DCC: variants seen among roughly 807,000 people sequenced by gnomAD.
The protein encoded by DCC is netrin receptor DCC.
A neutral mutation model predicts 172.5 loss-of-function variants in DCC; 58 were observed. The observed-to-expected ratio is 0.34, with a 90% CI of 0.27 to 0.42. DCC has a LOEUF of 0.42. Ranked by LOEUF, DCC falls within the 10% of genes least tolerant of loss-of-function variation. DCC has a pLI of 1.00. For synonymous variants in DCC, 709 were observed against 644.5 expected (o/e 1.10, Z -1.52); for missense variants, 1,740 against 1,791.0 (o/e 0.97, Z 0.51).
chr18:53,311,131 T>A (rs1444646028), intron 13 of DCC, among the ~76,000 whole-genome samples: 1 of 36,288 alleles, frequency 2.8e-5, no homozygotes, highest in Non-Finnish European at 4.9e-5. Context: ...TATTTATTTA[T>A]TTTTTTTGAG....
chr18:53,349,763 G>C (rs930417879), intron 15 of DCC, among the ~76,000 whole-genome samples: 1 of 152,096 alleles, frequency 6.6e-6, no homozygotes, highest in African/African-American at 2.4e-5. Context: ...TCACTATCAC[G>C]AGAGCAATGC....
rs879096180 is a variant in DCC at position 52,340,686 on chromosome 18, G to A, written c.-102G>A. 8.5e-5 allele frequency: 73 copies of A among 857,598 alleles called. 1 individual carries two copies. The South Asian group carries it at 9.6e-4, about 11-fold the overall frequency. The allele number at this position is 857,598 out of a possible 1,614,324, so 53.1% of individuals were successfully genotyped here. On this transcript the variant is annotated 5_prime_UTR_variant, in exon 1 of 29. Transcript: ENST00000442544. ...ACGAGGAGGAGGAGGAAGCCGAAGG[G>A]GCTCGGCGCGTGTGTGTGCATGTGT...
At chr18:53,321,039 T>A (rs907760495) in intron 13 of DCC, among the ~76,000 whole-genome samples, 2 of 152,192 alleles carry the variant, frequency 1.3e-5, no homozygotes, top group African/African-American at 4.8e-5. Context: ...TAAAATACCA[T>A]CTCCTATTAG....
At chr18:52,594,894 C>T (rs972815812) in intron 1 of DCC, among the ~76,000 whole-genome samples, 1 of 152,228 alleles carries the variant, frequency 6.6e-6, no homozygotes, top group Non-Finnish European at 1.5e-5. Context: ...CCACCTCCAA[C>T]ATTGAGGATT....
At chr18:53,064,789 T>C (rs559538786) in intron 6 of DCC, among the ~76,000 whole-genome samples, 1 of 152,324 alleles carries the variant, frequency 6.6e-6, no homozygotes, top group African/African-American at 2.4e-5. Flanking sequence ...GGCGATGTTA[T>C]TTCCACTACC....
intron 13 of DCC, among the ~76,000 whole-genome samples, chr18:53,319,021 A>G (rs1230295838): frequency 6.6e-6 from 1 of 152,192 alleles, no homozygotes; most frequent in East Asian, 1.9e-4. Context: ...TAAGTTTCAT[A>G]AGCAAAGAAG....
intron 2 of DCC, among the ~76,000 whole-genome samples, chr18:52,794,875 G>T (rs2037843287): frequency 6.6e-6 from 1 of 151,834 alleles, no homozygotes; most frequent in Non-Finnish European, 1.5e-5. Context: ...TTTGATGCCT[G>T]TTGAGAAGAT....
Position 52,556,105 on chromosome 18 carries a change from C to G in DCC, c.92-195949C>G, listed in dbSNP as rs561276895. Among the ~76,000 whole-genome samples, 16 of 152,156 alleles carry G rather than the reference C, an allele frequency of 1.1e-4. No homozygotes were observed. In the South Asian group the frequency reaches 3.1e-3, roughly 30 times the overall value. On this transcript the variant is annotated intron_variant, in intron 1 of 28. Transcript: ENST00000442544. Reference sequence around the variant, plus strand: ...GGAACTGTATAAGCTGCTCCTAAGTCCAGGGAGAAGAATAATACAGATGTA... The same window carrying G: ...GGAACTGTATAAGCTGCTCCTAAGTGCAGGGAGAAGAATAATACAGATGTA...
chr18:52,655,931 C>T (rs1021761177), intron 1 of DCC, among the ~76,000 whole-genome samples: 1 of 151,010 alleles, frequency 6.6e-6, no homozygotes, highest in African/African-American at 2.4e-5. Flanking sequence ...GACATCCCCC[C>T]GCCTGCCCTC....
intron 1 of DCC, among the ~76,000 whole-genome samples, chr18:52,421,841 C>A (rs2849183): frequency 4.6e-5 from 7 of 152,152 alleles, no homozygotes; most frequent in African/African-American, 1.7e-4. Flanking sequence ...TGTAGTATGT[C>A]TTTCTTTAGC....
At chr18:53,457,549 T>C (rs1486755856) in intron 23 of DCC, among the ~76,000 whole-genome samples, 1 of 152,212 alleles carries the variant, frequency 6.6e-6, no homozygotes, top group Non-Finnish European at 1.5e-5. Context: ...GAAAGAGAGA[T>C]AACAGGGTGA....
chr18:52,717,736 A>T (rs573935888), intron 1 of DCC, among the ~76,000 whole-genome samples: 21 of 152,276 alleles, frequency 1.4e-4, no homozygotes, highest in Admixed American at 9.8e-4. Context: ...CAGATAAAAT[A>T]CTTAAAAGAC....
chr18:52,675,976 G>A (rs1017674879), intron 1 of DCC, among the ~76,000 whole-genome samples: 5 of 152,142 alleles, frequency 3.3e-5, no homozygotes, highest in Non-Finnish European at 5.9e-5. Flanking sequence ...CTTGGTGTTA[G>A]TTTAATTATC....
At chr18:53,312,928 AGGGAAGGGAAAGGGAGGGGAG>A in intron 13 of DCC, among the ~76,000 whole-genome samples, 1 of 69,364 alleles carries the variant, frequency 1.4e-5, no homozygotes, top group Non-Finnish European at 2.7e-5. Flanking sequence ...AGGGGAGGGG[AGGGAAGGGAAAGGGAGGGGAG>A]GGAAGGGAGG....
chr18:53,106,060 G>A (rs938418961), intron 7 of DCC, among the ~76,000 whole-genome samples: 1 of 151,668 alleles, frequency 6.6e-6, no homozygotes, highest in African/African-American at 2.4e-5. Flanking sequence ...GACTGTGGCA[G>A]TTTCATGGGT....
chr18:53,361,863 CAA>C (rs1487513723), intron 15 of DCC, among the ~76,000 whole-genome samples: 1 of 152,018 alleles, frequency 6.6e-6, no homozygotes, highest in East Asian at 1.9e-4. Flanking sequence ...ATTTTAAACA[CAA>C]GAGTAAAAGT....
intron 12 of DCC, among the ~76,000 whole-genome samples, chr18:53,301,864 G>A (rs1793900815): frequency 6.6e-6 from 1 of 152,000 alleles, no homozygotes; most frequent in South Asian, 2.1e-4. Context: ...TAAATCTTAA[G>A]TGTTCAGTCT....
At chr18:52,474,244 A>G (rs2879441) in intron 1 of DCC, among the ~76,000 whole-genome samples, 5,375 of 31,946 alleles carry the variant, frequency 0.17, 265 homozygotes, top group South Asian at 0.3. Context: ...GAGAGAGAGA[A>G]AGAGAGAGAA....
chr18:52,826,847 C>T (rs2145285401), intron 2 of DCC, among the ~76,000 whole-genome samples: 1 of 152,264 alleles, frequency 6.6e-6, no homozygotes, highest in South Asian at 2.1e-4. Flanking sequence ...TGGATTCAAT[C>T]AACCCAGATA....
Sources: allele counts gnomAD v4.1 joint callset (sites outside exome capture counted in the v4.1 genomes callset), GRCh38; gene constraint gnomAD v4.1.1; transcripts MANE v1.5; gene names NCBI Gene and HGNC (gene_info 2026-07-23, HGNC 2026-07-21).